The following CCDC83 variants were observed in gnomAD, a reference collection of about 807,000 sequenced individuals.
CCDC83 encodes the protein coiled-coil domain containing 83.
In CCDC83, 54 loss-of-function variants were observed where a neutral mutation model predicts 50.1. The observed-to-expected ratio is 1.08, with a 90% CI of 0.87 to 1.35. The LOEUF (loss-of-function observed/expected upper bound fraction) is 1.35, where lower values mean the gene tolerates loss of function less well. CCDC83 is among the 40% of genes most tolerant of loss of function. The pLI, the probability that CCDC83 is intolerant of heterozygous loss-of-function variation, is 0.00. For missense variants in CCDC83, 518 were observed against 473.9 expected, an observed-to-expected ratio of 1.09 and a Z score of -0.86; for synonymous variants, 161 against 153.3, an observed-to-expected ratio of 1.05 and a Z score of -0.37.
chr11:85,910,224 C>T (rs2093447101), intron 7 of CCDC83, among the ~76,000 whole-genome samples: 1 of 152,186 alleles, frequency 6.6e-6, no homozygotes, highest in African/African-American at 2.4e-5. Flanking sequence ...AGGATGGCTT[C>T]CATTATGGTT....
intron 1 of CCDC83, among the ~76,000 whole-genome samples, chr11:85,856,229 A>G (rs1285648629): frequency 6.6e-6 from 1 of 151,544 alleles, no homozygotes; most frequent in African/African-American, 2.4e-5. Flanking sequence ...CTGTGATGAC[A>G]GAGGGGAAAA....
chr11:85,889,382 C>A lies in CCDC83; in HGVS notation c.511+3015C>A, dbSNP rs74893518. Reference sequence around the variant, plus strand: ...AATGAATTATTAACTAGGATGATTTCTTTGACTTAAAAATTTTCATGTGGT... The same window carrying A: ...AATGAATTATTAACTAGGATGATTTATTTGACTTAAAAATTTTCATGTGGT... On this transcript the variant is annotated intron_variant, in intron 5 of 10. Transcript: ENST00000342404. 3.4e-3 allele frequency among the ~76,000 whole-genome samples: 517 copies of A among 152,282 alleles called. 2 individuals carry two copies. The highest frequency in any genetic ancestry group is 0.012 in the African/African-American group (500 of 41,578).
intron 3 of CCDC83, among the ~76,000 whole-genome samples, chr11:85,878,730 C>T (rs577276798): frequency 2.9e-5 from 4 of 139,362 alleles, no homozygotes; most frequent in South Asian, 2.1e-4. Context: ...GATAGTTACA[C>T]GTTAGTTTTT....
At chr11:85,870,799 G>A (rs2093232793) in intron 2 of CCDC83, among the ~76,000 whole-genome samples, 1 of 152,124 alleles carries the variant, frequency 6.6e-6, no homozygotes, top group Admixed American at 6.6e-5. Flanking sequence ...GTTTCAATAT[G>A]TTTATGTGTT....
At chr11:85,858,599 T>G (rs2093156451) in intron 1 of CCDC83, among the ~76,000 whole-genome samples, 1 of 152,114 alleles carries the variant, frequency 6.6e-6, no homozygotes, top group East Asian at 1.9e-4. Flanking sequence ...TTGGTCATGA[T>G]AGGGGTACAA....
chr11:85,868,448 C>T (rs1827853626), intron 2 of CCDC83, among the ~76,000 whole-genome samples: 1 of 152,212 alleles, frequency 6.6e-6, no homozygotes, highest in South Asian at 2.1e-4. Context: ...GATCTCGGCT[C>T]ACTACAACCC....
At chr11:85,917,743 C>G (rs2093489120) in intron 10 of CCDC83, among the ~76,000 whole-genome samples, 1 of 152,168 alleles carries the variant, frequency 6.6e-6, no homozygotes, top group Admixed American at 6.5e-5. Flanking sequence ...CTGCTGCCAT[C>G]AAGCGATGAT....
intron 5 of CCDC83, among the ~76,000 whole-genome samples, chr11:85,892,212 T>C (rs2093353615): frequency 6.6e-6 from 1 of 152,156 alleles, no homozygotes; most frequent in South Asian, 2.1e-4. Context: ...GGTCAGCTTC[T>C]GGGAAGGGAC....
intron 2 of CCDC83, 127 bp from the exon 3 acceptor site, chr11:85,873,084 G>C (rs139568121): frequency 0.011 from 4,717 of 441,622 alleles, 49 homozygotes; most frequent in Non-Finnish European, 0.013. Flanking sequence ...AAACCGTTTA[G>C]GAAAGGTTTT....
upstream of CCDC83, chr11:85,855,335 G>T (rs889140755): frequency 1.3e-5 from 2 of 152,572 alleles, no homozygotes; most frequent in African/African-American, 4.8e-5. Context: ...ACGGGCCTGG[G>T]CTTGCGCCGC....
chr11:85,865,875 A>G (rs904839201), intron 2 of CCDC83, among the ~76,000 whole-genome samples: 1 of 151,786 alleles, frequency 6.6e-6, no homozygotes, highest in African/African-American at 2.4e-5. Flanking sequence ...GCAACAGAGC[A>G]AGATTCCATT....
Position 85,915,955 on chromosome 11 carries a change from A to C in CCDC83, c.875-73A>C. ...AGTTCCATCCAATTAAAAATGTGAC[A>C]AAGTATGTATTGCATTTTTATTTGT... On this transcript the variant is annotated intron_variant, in intron 9 of 10. Transcript: ENST00000342404. The C allele has an allele frequency of 4.9e-6, 5 of 1,011,520 alleles. No individual in the cohort carries two copies. In the South Asian group the frequency reaches 7.1e-5, roughly 14 times the overall value. 62.7% of individuals were successfully genotyped at this position (1,011,520 alleles called of 1,614,324 possible).
chr11:85,892,850 G>A lies in CCDC83; in HGVS notation c.512-2443G>A, dbSNP rs546749738. On this transcript the variant is annotated intron_variant, in intron 5 of 10. Transcript: ENST00000342404. ...ATTAGTTCAAATAAGTAAGAAAAAC[G>A]CAGGCTGTATAAACAGGAATATGTA... Among the ~76,000 whole-genome samples the A allele has an allele frequency of 2.6e-5, 4 of 152,264 alleles. No homozygotes were observed. In the East Asian group the frequency reaches 5.8e-4, roughly 22 times the overall value.
At chr11:85,881,504 C>T (rs967576204) in intron 3 of CCDC83, among the ~76,000 whole-genome samples, 1 of 152,068 alleles carries the variant, frequency 6.6e-6, no homozygotes, top group Non-Finnish European at 1.5e-5. Flanking sequence ...CTCACTGTAA[C>T]CTCAAACTCC....
At chr11:85,916,509 T>C (rs1328435903) in intron 10 of CCDC83, 1 of 363,366 alleles carries the variant, frequency 2.8e-6, no homozygotes, top group Non-Finnish European at 5.0e-6. Context: ...TAGTGGCTTA[T>C]AACAATAACT....
intron 5 of CCDC83, among the ~76,000 whole-genome samples, chr11:85,894,539 T>A (rs2093363911): frequency 6.6e-6 from 1 of 152,206 alleles, no homozygotes; most frequent in African/African-American, 2.4e-5. Flanking sequence ...CTTTCTCTGA[T>A]CACCCGATCT....
chr11:85,903,388 A>G (rs1447908244), intron 7 of CCDC83, among the ~76,000 whole-genome samples: 1 of 151,938 alleles, frequency 6.6e-6, no homozygotes, highest in East Asian at 1.9e-4. Flanking sequence ...TCTGCCTCCC[A>G]GGTTCAAGCA....
At chr11:85,889,756 T>G (rs1453750036) in intron 5 of CCDC83, among the ~76,000 whole-genome samples, 2 of 152,214 alleles carry the variant, frequency 1.3e-5, no homozygotes, top group African/African-American at 4.8e-5. Context: ...TTGCGTTAGT[T>G]AGGCTGCTTT....
chr11:85,881,887 T>TG (rs1184407936), intron 3 of CCDC83, among the ~76,000 whole-genome samples: 1 of 152,342 alleles, frequency 6.6e-6, no homozygotes, highest in Admixed American at 6.5e-5. Context: ...TTATCTTGTT[T>TG]GGGGTATGCT....
Sources: gnomAD v4.1 joint callset for allele counts (sites outside exome capture counted in the v4.1 genomes callset) on GRCh38, gnomAD v4.1.1 for gene constraint, MANE v1.5 for transcripts, NCBI Gene and HGNC (gene_info 2026-07-23, HGNC 2026-07-21) for gene names.